SLC7A14: variants seen among roughly 807,000 people sequenced by gnomAD.
SLC7A14 encodes gamma-aminobutyric acid transporter SLC7A14.
A neutral mutation model predicts 60.2 loss-of-function variants in SLC7A14; 37 were observed. The ratio of observed to expected loss-of-function variants is 0.61; its 90% CI spans 0.47 to 0.81. The LOEUF is 0.81. Among genes scored for constraint, SLC7A14 ranks in the 30% least tolerant of loss-of-function variants. SLC7A14 has a pLI of 0.00. For synonymous variants in SLC7A14, 399 were observed against 395.8 expected, an observed-to-expected ratio of 1.01 and a Z score of -0.10; for missense variants, 886 against 982.7, an observed-to-expected ratio of 0.90 and a Z score of 1.32.
In SLC7A14 at chr3:170,585,549, C is replaced by A. The variant is rs1292647489; in HGVS notation, c.-153+362G>T. On this transcript the variant is annotated intron_variant, in intron 1 of 7. Coordinates refer to ENST00000231706, the MANE Select transcript of SLC7A14 (RefSeq NM_020949.3). The surrounding 1 kb of genome is among the most constrained non-coding windows in gnomAD (Gnocchi z 5.1). ...CCGGCGTCTGCCGAGACCTAGGCTG[C>A]CCGCATTCCGCTCGCGGCTCCCCTT... Among the ~76,000 whole-genome samples, 1 of 152,154 alleles carries A rather than the reference C, an allele frequency of 6.6e-6. No individual in the cohort carries two copies. Among genetic ancestry groups the A allele is most frequent in the African/African-American group, 2.4e-5 (1 of 41,450 alleles).
At chr3:170,576,296 G>A (rs766539545) in intron 1 of SLC7A14, among the ~76,000 whole-genome samples, 1 of 152,202 alleles carries the variant, frequency 6.6e-6, no homozygotes, top group South Asian at 2.1e-4. Flanking sequence ...GCCCATGCTT[G>A]TCATAAAACA....
intron 2 of SLC7A14, among the ~76,000 whole-genome samples, chr3:170,523,739 T>C (rs907242368): frequency 6.6e-6 from 1 of 152,060 alleles, no homozygotes; most frequent in South Asian, 2.1e-4. Flanking sequence ...AGGATGAAGA[T>C]ATAGGAGAGT....
chr3:170,495,907 T>G, intron 4 of SLC7A14: 1 of 1,436,904 alleles, frequency 7.0e-7, no homozygotes, highest in Non-Finnish European at 9.8e-7. Context: ...TAGGAGAAGC[T>G]GAAGCTGGAG....
chr3:170,484,701 T>G (rs36006402), intron 5 of SLC7A14, among the ~76,000 whole-genome samples: 16 of 152,156 alleles, frequency 1.1e-4, no homozygotes, highest in African/African-American at 3.9e-4. Context: ...CCAGCAACCT[T>G]GTTCTTCTCA....
At chr3:170,473,662 C>A (rs1711514532) in intron 7 of SLC7A14, among the ~76,000 whole-genome samples, 1 of 152,270 alleles carries the variant, frequency 6.6e-6, no homozygotes, top group African/African-American at 2.4e-5. Flanking sequence ...CCCACCCCCA[C>A]CTCAACCCCA....
chr3:170,529,163 C>A (rs888506552), intron 1 of SLC7A14, among the ~76,000 whole-genome samples: 1 of 152,210 alleles, frequency 6.6e-6, no homozygotes, highest in Non-Finnish European at 1.5e-5. Context: ...CAAAGAACCA[C>A]ATGAGTAAAT....
In SLC7A14 at chr3:170,512,654, A is replaced by ATTTTTTTTTT. The variant is rs71176570; in HGVS notation, c.305-11319_305-11310dup. On this transcript the variant is annotated intron_variant, in intron 2 of 7. Coordinates refer to ENST00000231706, the MANE Select transcript of SLC7A14 (RefSeq NM_020949.3). ...TATAGGGCACATGTGTACAATTTGC[A>ATTTTTTTTTT]TTTTTTTTTTTTTTTTTTTTTTTTT... Among the ~76,000 whole-genome samples the ATTTTTTTTTT allele has an allele frequency of 7.9e-4, 50 of 63,168 alleles. 7 individuals are homozygous for ATTTTTTTTTT. The highest frequency in any genetic ancestry group is 3.9e-3 in the South Asian group (4 of 1,038). 41.4% of individuals were successfully genotyped at this position (63,168 alleles called of 152,430 possible). A position where few individuals can be genotyped will look rare whatever the true frequency, so the allele number is the denominator to read the frequency against.
At chr3:170,517,327 A>C (rs1005420185) in intron 2 of SLC7A14, among the ~76,000 whole-genome samples, 3 of 152,160 alleles carry the variant, frequency 2.0e-5, no homozygotes, top group African/African-American at 4.8e-5. Context: ...ACTGGCATGC[A>C]TTTGTTCATC....
At chr3:170,577,027 G>A (rs78572695) in intron 1 of SLC7A14, among the ~76,000 whole-genome samples, 1,901 of 152,274 alleles carry the variant, frequency 0.012, 41 homozygotes, top group African/African-American at 0.044. Context: ...TCAGAATTGG[G>A]TATCAACAGC....
At chr3:170,519,508 G>A (rs556970394) in intron 2 of SLC7A14, among the ~76,000 whole-genome samples, 2 of 152,336 alleles carry the variant, frequency 1.3e-5, no homozygotes, top group Admixed American at 1.3e-4. Flanking sequence ...CAGGCGCAGT[G>A]GCTCACGCCT....
At position 170,550,620 on chromosome 3, in the gene SLC7A14, C is replaced by A. The variant is rs549229352; in HGVS notation, c.-152-23532G>T. Among the ~76,000 whole-genome samples, 100 of 149,370 alleles carry A rather than the reference C, an allele frequency of 6.7e-4. 1 individual carries two copies. Among genetic ancestry groups the A allele is most frequent in the African/African-American group, 2.3e-3 (94 of 40,496 alleles). On this transcript the variant is annotated intron_variant, in intron 1 of 7. Coordinates refer to ENST00000231706, the MANE Select transcript of SLC7A14 (RefSeq NM_020949.3). ...CACTGCAACCTCCGCCTCCCAGGTT[C>A]AAGCAATTCTCCTGCCTCAGCCTCC...
At chr3:170,559,182 G>T (rs1305990844) in intron 1 of SLC7A14, among the ~76,000 whole-genome samples, 2 of 152,188 alleles carry the variant, frequency 1.3e-5, no homozygotes, top group Admixed American at 6.5e-5. Context: ...TGTGTTTTCA[G>T]AGTCGTGCCA....
At chr3:170,580,742 T>C (rs1715212051) in intron 1 of SLC7A14, among the ~76,000 whole-genome samples, 1 of 152,188 alleles carries the variant, frequency 6.6e-6, no homozygotes, top group Non-Finnish European at 1.5e-5. Flanking sequence ...GGTGCTTTGT[T>C]AATGAATGAA....
intron 1 of SLC7A14, among the ~76,000 whole-genome samples, chr3:170,552,175 T>C (rs1457254351): frequency 6.6e-6 from 1 of 152,188 alleles, no homozygotes; most frequent in African/African-American, 2.4e-5. Context: ...TACTGATCTT[T>C]TCCCTACTGA....
intron 7 of SLC7A14, among the ~76,000 whole-genome samples, chr3:170,478,145 T>G (rs1170532113): frequency 6.6e-6 from 1 of 152,172 alleles, no homozygotes; most frequent in Admixed American, 6.5e-5. Context: ...TGGTGTGATC[T>G]CAGCTCACTG....
At chr3:170,534,461 G>T (rs750865764) in intron 1 of SLC7A14, among the ~76,000 whole-genome samples, 4 of 152,172 alleles carry the variant, frequency 2.6e-5, no homozygotes, top group Non-Finnish European at 5.9e-5. Flanking sequence ...ACATGGCACA[G>T]GGCGAAGTTG....
At chr3:170,512,054 C>T (rs1712996883) in intron 2 of SLC7A14, among the ~76,000 whole-genome samples, 1 of 152,178 alleles carries the variant, frequency 6.6e-6, no homozygotes, top group Non-Finnish European at 1.5e-5. Flanking sequence ...TTCTCTCCTA[C>T]CCGAATATTT....
At chr3:170,504,416 G>A (rs762434970) in intron 2 of SLC7A14, among the ~76,000 whole-genome samples, 12 of 152,032 alleles carry the variant, frequency 7.9e-5, no homozygotes, top group Non-Finnish European at 1.6e-4. Context: ...CACCTCCTGG[G>A]TTCAAGCCAT....
chr3:170,496,192 T>G, intron 4 of SLC7A14: 1 of 905,148 alleles, frequency 1.1e-6, no homozygotes, highest in Non-Finnish European at 1.9e-6. Context: ...AGCCTCTCCC[T>G]GGACATGGAC....
Sources: gnomAD v4.1 joint callset for allele counts (sites outside exome capture counted in the v4.1 genomes callset) on GRCh38, gnomAD v4.1.1 for gene constraint, Gnocchi (gnomAD v3.1) non-coding constraint, MANE v1.5 for transcripts, NCBI Gene and HGNC (gene_info 2026-07-23, HGNC 2026-07-21) for gene names.